Variants in PRPF18 observed in about 807,000 individuals in gnomAD.
The protein encoded by PRPF18 is pre-mRNA-splicing factor 18.
Under a neutral mutation model 46.5 loss-of-function variants are expected in PRPF18, and 38 were observed. The ratio of observed to expected loss-of-function variants is 0.82; its 90% CI spans 0.63 to 1.07. The LOEUF (loss-of-function observed/expected upper bound fraction) is 1.07, where lower values mean the gene tolerates loss of function less well. PRPF18 is among the 50% of genes least tolerant of loss of function. The pLI, the probability that PRPF18 is intolerant of heterozygous loss-of-function variation, is 0.00. For missense variants in PRPF18, 263 were observed against 410.0 expected, an observed-to-expected ratio of 0.64 and a Z score of 3.10; for synonymous variants, 152 against 146.7, an observed-to-expected ratio of 1.04 and a Z score of -0.26.
At chr10:13,608,897 C>T (rs1013752660) in intron 4 of PRPF18, among the ~76,000 whole-genome samples, 1 of 152,144 alleles carries the variant, frequency 6.6e-6, no homozygotes, top group African/African-American at 2.4e-5. Flanking sequence ...CTATTTGAAC[C>T]TTAGAATCTT....
intron 9 of PRPF18, among the ~76,000 whole-genome samples, chr10:13,616,890 G>A (rs1157063004): frequency 6.6e-6 from 1 of 152,052 alleles, no homozygotes; most frequent in African/African-American, 2.4e-5. Context: ...TTAGTGAAGA[G>A]CAACAAACTT....
At chr10:13,634,685 T>C (rs1428609892), downstream of PRPF18, among the ~76,000 whole-genome samples, 1 of 152,206 alleles carries the variant, frequency 6.6e-6, no homozygotes, top group African/African-American at 2.4e-5. Context: ...AACAAGTGTA[T>C]GGAGACCCAG....
chr10:13,630,170 C>G (rs1039454422), intron 9 of PRPF18, 90 bp from the exon 10 acceptor site: 2 of 1,062,782 alleles, frequency 1.9e-6, no homozygotes, highest in African/African-American at 3.1e-5. Context: ...TTTATGGGGA[C>G]ATTGACAAAC....
At chr10:13,637,916 A>G in the PRPF18 span, 1 of 152,312 alleles carries the variant, frequency 6.6e-6, no homozygotes, top group East Asian at 1.9e-4. Flanking sequence ...TTGATGTGCA[A>G]GTTCATGTGC....
chr10:13,650,713 C>A, the PRPF18 span, among the ~76,000 whole-genome samples: 4 of 152,182 alleles, frequency 2.6e-5, no homozygotes, highest in Non-Finnish European at 2.9e-5. Context: ...ATTGTCCTAA[C>A]TTACTTTTCA....
chr10:13,652,170 TAGG>T, the PRPF18 span: 45 of 601,554 alleles, frequency 7.5e-5, 1 homozygote, highest in South Asian at 8.9e-4. Flanking sequence ...CCTAGTTTGT[TAGG>T]AGGGACGGGC....
the PRPF18 span, chr10:13,653,063 T>TCCCCG: frequency 6.6e-6 from 1 of 152,174 alleles, no homozygotes. Flanking sequence ...ATCTGGGTAT[T>TCCCCG]TCCCCCGCAA....
At chr10:13,628,321 C>A (rs1219666792) in intron 9 of PRPF18, among the ~76,000 whole-genome samples, 1 of 152,154 alleles carries the variant, frequency 6.6e-6, no homozygotes, top group South Asian at 2.1e-4. Context: ...TGGCTCCATT[C>A]ATAGAAGTAT....
the PRPF18 span, chr10:13,651,895 T>TA: frequency 7.4e-6 from 11 of 1,477,378 alleles, no homozygotes; most frequent in Non-Finnish European, 1.0e-5. Flanking sequence ...AAACTCCCCT[T>TA]ACGGTACCTC....
intron 6 of PRPF18, among the ~76,000 whole-genome samples, chr10:13,612,622 C>CTTT (rs61113168): frequency 3.8e-4 from 29 of 76,158 alleles, no homozygotes; most frequent in South Asian, 3.4e-3. Flanking sequence ...AGGGTTCTAG[C>CTTT]TTTTTTTTTT....
Position 13,630,367 on chromosome 10 carries a change from A to G in PRPF18, c.*27A>G, listed in dbSNP as rs367899847. The G allele has an allele frequency of 9.8e-5, 152 of 1,548,490 alleles. No individual in the cohort carries two copies. Among genetic ancestry groups the G allele is most frequent in the Admixed American group, 3.3e-4 (19 of 58,430 alleles). On this transcript the variant is annotated 3_prime_UTR_variant, in exon 10 of 10. Coordinates refer to ENST00000378572, the MANE Select transcript of PRPF18 (RefSeq NM_003675.4). ...ATCTGTGTATGGTGTGTTAATAACA[A>G]TAAGAAACTTAGGGAAGCAGGCTGT...
At chr10:13,639,603 T>C in the PRPF18 span, 1 of 152,220 alleles carries the variant, frequency 6.6e-6, no homozygotes, top group African/African-American at 2.4e-5. Flanking sequence ...TTAAATATTA[T>C]AGCATAGATT....
intron 1 of PRPF18, among the ~76,000 whole-genome samples, chr10:13,593,914 G>A (rs1235007217): frequency 6.6e-6 from 1 of 152,174 alleles, no homozygotes; most frequent in Non-Finnish European, 1.5e-5. Flanking sequence ...GTAGACAATA[G>A]GAAAGAAAAT....
the PRPF18 span, chr10:13,649,347 CCTAA>C: frequency 7.8e-6 from 1 of 127,538 alleles, no homozygotes; most frequent in Non-Finnish European, 1.9e-5. Flanking sequence ...ATGTGAAGAG[CCTAA>C]CTGTTGGCTG....
intron 1 of PRPF18, among the ~76,000 whole-genome samples, chr10:13,594,203 T>C (rs1400200955): frequency 6.6e-6 from 1 of 152,202 alleles, no homozygotes; most frequent in Non-Finnish European, 1.5e-5. Flanking sequence ...TAACAGATAT[T>C]TTTATGAAAA....
the PRPF18 span, among the ~76,000 whole-genome samples, chr10:13,650,161 T>C: frequency 6.6e-6 from 1 of 152,244 alleles, no homozygotes; most frequent in Non-Finnish European, 1.5e-5. Context: ...GGTTTATAAC[T>C]GCTTGGCATA....
intron 3 of PRPF18, among the ~76,000 whole-genome samples, chr10:13,601,369 A>G (rs1165266920): frequency 1.3e-5 from 2 of 152,232 alleles, no homozygotes; most frequent in Non-Finnish European, 2.9e-5. Context: ...AGTACCAACT[A>G]TTATTTTACT....
chr10:13,612,622 CTTTTTTTTTTTTTT>C, intron 6 of PRPF18, among the ~76,000 whole-genome samples: 1 of 76,160 alleles, frequency 1.3e-5, no homozygotes, highest in South Asian at 5.7e-4. Context: ...AGGGTTCTAG[CTTTTTTTTTTTTTT>C]TTTTTTTTTT....
chr10:13,652,116 A>T, the PRPF18 span: 3 of 682,060 alleles, frequency 4.4e-6, no homozygotes, highest in Non-Finnish European at 8.1e-6. Flanking sequence ...AACAGATCAT[A>T]CAAGTCATGC....
Sources: allele counts gnomAD v4.1 joint callset (sites outside exome capture counted in the v4.1 genomes callset), GRCh38; gene constraint gnomAD v4.1.1; transcripts MANE v1.5; gene names NCBI Gene and HGNC (gene_info 2026-07-23, HGNC 2026-07-21).